HMBOX1: variants seen among roughly 807,000 people sequenced by gnomAD.
HMBOX1 encodes the protein homeobox-containing protein 1.
In HMBOX1, 14 loss-of-function variants were observed where a neutral mutation model predicts 54.5. The observed-to-expected ratio is 0.26, with a 90% CI of 0.17 to 0.40. The LOEUF is 0.40. HMBOX1 is among the 10% of genes least tolerant of loss of function. The pLI is 1.00. For synonymous variants in HMBOX1, 160 were observed against 181.0 expected, an observed-to-expected ratio of 0.88 and a Z score of 0.93; for missense variants, 332 against 514.4, an observed-to-expected ratio of 0.65 and a Z score of 3.43.
intron 1 of HMBOX1, among the ~76,000 whole-genome samples, chr8:28,921,169 T>C (rs1360797085): frequency 6.6e-6 from 1 of 152,154 alleles, no homozygotes; most frequent in East Asian, 1.9e-4. Context: ...ACCCCGTCTA[T>C]ACTAAAAATA....
intron 1 of HMBOX1, among the ~76,000 whole-genome samples, chr8:28,911,256 A>G (rs1281642025): frequency 1.3e-5 from 2 of 152,310 alleles, no homozygotes; most frequent in Non-Finnish European, 2.9e-5. Context: ...ACCTGGGGGG[A>G]GGGTGCTGTC....
At chr8:28,935,799 A>C (rs1820309618) in intron 1 of HMBOX1, among the ~76,000 whole-genome samples, 1 of 152,152 alleles carries the variant, frequency 6.6e-6, no homozygotes, top group Non-Finnish European at 1.5e-5. Flanking sequence ...TTTGCAATGC[A>C]TTACTCCAGT....
intron 1 of HMBOX1, among the ~76,000 whole-genome samples, chr8:28,896,422 A>T (rs1812138899): frequency 8.1e-6 from 1 of 123,940 alleles, no homozygotes; most frequent in African/African-American, 2.6e-5. Context: ...CAAGGTACAG[A>T]ACTCTTACTG....
intron 3 of HMBOX1, among the ~76,000 whole-genome samples, chr8:28,978,786 CAAAAAAA>C (rs36075812): frequency 4.2e-5 from 4 of 95,842 alleles, no homozygotes; most frequent in Non-Finnish European, 7.7e-5. Context: ...GACTCCGTCT[CAAAAAAA>C]AAAAAAAAAA....
In HMBOX1 at chr8:28,950,885, G is replaced by A. The variant is rs187196167; in HGVS notation, c.-57-12926G>A. 3.3e-3 allele frequency among the ~76,000 whole-genome samples: 497 copies of A among 152,248 alleles called. 3 individuals carry two copies. The highest frequency in any genetic ancestry group is 0.011 in the African/African-American group (471 of 41,552). On this transcript the variant is annotated intron_variant, in intron 1 of 9. Coordinates refer to ENST00000287701, the MANE Select transcript of HMBOX1 (RefSeq NM_001135726.3). ...AACATAATTGAGATCAACAGTAAAA[G>A]CCACCATGTGTTTTAAAGTAATCAA...
intron 4 of HMBOX1, among the ~76,000 whole-genome samples, chr8:28,989,575 G>T (rs543146809): frequency 2.0e-5 from 3 of 152,170 alleles, no homozygotes; most frequent in Non-Finnish European, 4.4e-5. Context: ...CAGTCTTTAT[G>T]TCTATCCTTA....
chr8:28,956,070 T>C (rs1421381644), intron 1 of HMBOX1: 1 of 152,078 alleles, frequency 6.6e-6, no homozygotes, highest in Non-Finnish European at 1.5e-5. Context: ...AAATTAAAGG[T>C]GTAAGCTCTT....
chr8:28,987,778 C>T (rs1385441264), intron 4 of HMBOX1, among the ~76,000 whole-genome samples: 1 of 152,084 alleles, frequency 6.6e-6, no homozygotes, highest in Non-Finnish European at 1.5e-5. Flanking sequence ...ACCTGAGAGG[C>T]CTATAAAATT....
At chr8:29,019,191 T>G (rs1182441778) in intron 6 of HMBOX1, among the ~76,000 whole-genome samples, 1 of 152,210 alleles carries the variant, frequency 6.6e-6, no homozygotes, top group Non-Finnish European at 1.5e-5. Flanking sequence ...TGAATTCAGA[T>G]CTTTGTATTA....
intron 6 of HMBOX1, among the ~76,000 whole-genome samples, chr8:29,033,160 C>T (rs761149078): frequency 3.3e-5 from 5 of 152,126 alleles, no homozygotes; most frequent in Non-Finnish European, 2.9e-5. Context: ...TTGCCACCAC[C>T]GCAACCCCTG....
At chr8:28,908,665 G>T (rs1423566510) in intron 1 of HMBOX1, among the ~76,000 whole-genome samples, 1 of 152,154 alleles carries the variant, frequency 6.6e-6, no homozygotes, top group African/African-American at 2.4e-5. Flanking sequence ...TGAGGCAGTG[G>T]AATTGCCTGA....
chr8:28,960,765 CTTTTTTT>C (rs1162477676), intron 1 of HMBOX1, among the ~76,000 whole-genome samples: 6 of 16,270 alleles, frequency 3.7e-4, no homozygotes, highest in Admixed American at 1.0e-3. Flanking sequence ...TTTTCTTTTT[CTTTTTTT>C]TTTTTTTTTT....
intron 1 of HMBOX1, among the ~76,000 whole-genome samples, chr8:28,940,068 G>T (rs781738749): frequency 1.1e-4 from 17 of 152,114 alleles, no homozygotes; most frequent in Admixed American, 3.9e-4. Flanking sequence ...GAGTGCAATG[G>T]TGCTATCTCG....
chr8:29,004,773 T>G (rs527364524), intron 4 of HMBOX1, among the ~76,000 whole-genome samples: 1 of 152,010 alleles, frequency 6.6e-6, no homozygotes, highest in Admixed American at 6.6e-5. Context: ...CAGTGGGAAG[T>G]AGGGGGAAAG....
At chr8:28,935,367 G>C (rs1820217822) in intron 1 of HMBOX1, among the ~76,000 whole-genome samples, 2 of 152,170 alleles carry the variant, frequency 1.3e-5, no homozygotes, top group Admixed American at 1.3e-4. Flanking sequence ...GTTAGCATAG[G>C]ATAGATCAGT....
At chr8:29,009,018 T>G (rs747290278) in intron 4 of HMBOX1, 54 bp from the exon 5 acceptor site, 53 of 1,380,704 alleles carry the variant, frequency 3.8e-5, no homozygotes, top group Non-Finnish European at 5.3e-5. Context: ...AGATCCTTTA[T>G]TAATTTCACT....
At position 29,050,086 on chromosome 8, in the gene HMBOX1, T is replaced by C. The variant is rs578208991; in HGVS notation, c.1126-932T>C. ...CCCAAGAGAATATTCTGTAAGTCTT[T>C]CTGTTCGGAAACATTCCTCTTTTCA... is the stretch of plus-strand genomic sequence containing the variant. On this transcript the variant is annotated intron_variant, in intron 9 of 9. Transcript: ENST00000287701. 1.1e-4 allele frequency: 24 copies of C among 212,292 alleles called. No individual in the cohort carries two copies. In the South Asian group the frequency reaches 2.5e-3, roughly 22 times the overall value. 13.2% of individuals were successfully genotyped at this position (212,292 alleles called of 1,614,324 possible).
In HMBOX1 at chr8:28,912,387, C is replaced by T. The variant is rs532469617; in HGVS notation, c.-58+21709C>T. ...ATCTTAAAAAGAAAACACAAGCTCC[C>T]TCAACCTCACTTTCCCATCCAGATT... On this transcript the variant is annotated intron_variant, in intron 1 of 9. Transcript: ENST00000287701. Among the ~76,000 whole-genome samples the T allele has an allele frequency of 3.3e-5, 5 of 152,260 alleles. No individual in the cohort carries two copies. The South Asian group carries it at 6.2e-4, about 19-fold the overall frequency.
intron 1 of HMBOX1, among the ~76,000 whole-genome samples, chr8:28,930,743 A>G (rs1819344455): frequency 6.6e-6 from 1 of 151,962 alleles, no homozygotes; most frequent in South Asian, 2.1e-4. Flanking sequence ...CCTTTTTGAA[A>G]TCTTACTTTT....
Sources: allele counts gnomAD v4.1 joint callset (sites outside exome capture counted in the v4.1 genomes callset), GRCh38; gene constraint gnomAD v4.1.1; transcripts MANE v1.5; gene names NCBI Gene and HGNC (gene_info 2026-07-23, HGNC 2026-07-21).